The following ST7 variants were observed in gnomAD, a reference collection of about 807,000 sequenced individuals.
ST7 encodes the protein suppression of tumorigenicity 7.
Under a neutral mutation model 78.7 loss-of-function variants are expected in ST7, and 28 were observed. That is an observed-to-expected ratio of 0.36 (90% confidence interval 0.26 to 0.49). The LOEUF is 0.49. ST7 is among the 20% of genes least tolerant of loss of function. The pLI is 0.99. For synonymous variants in ST7, 247 were observed against 249.6 expected (o/e 0.99, Z 0.10); for missense variants, 418 against 696.0 (o/e 0.60, Z 4.49).
chr7:117,130,147 C>A (rs1349668772), intron 4 of ST7, among the ~76,000 whole-genome samples: 1 of 151,718 alleles, frequency 6.6e-6, no homozygotes, highest in Non-Finnish European at 1.5e-5. Flanking sequence ...ATAGAGATGT[C>A]GCAGAAGTTA....
intron 9 of ST7, among the ~76,000 whole-genome samples, chr7:117,151,363 G>A (rs150053337): frequency 1.3e-5 from 2 of 152,218 alleles, no homozygotes; most frequent in African/African-American, 4.8e-5. Context: ...CTTTTTGAGT[G>A]TGCCAAGCTT....
intron 12 of ST7, among the ~76,000 whole-genome samples, chr7:117,198,849 G>C (rs1810549217): frequency 6.6e-6 from 1 of 152,044 alleles, no homozygotes; most frequent in South Asian, 2.1e-4. Flanking sequence ...TATGGAGGCT[G>C]AGGCCACCCC....
At chr7:117,175,749 C>G (rs1013512994) in intron 10 of ST7, among the ~76,000 whole-genome samples, 22 of 152,152 alleles carry the variant, frequency 1.4e-4, no homozygotes, top group African/African-American at 4.3e-4. Flanking sequence ...TGTTAAGTGT[C>G]AAGAACAGTG....
intron 1 of ST7, among the ~76,000 whole-genome samples, chr7:117,071,291 T>C (rs994430248): frequency 6.6e-6 from 1 of 152,168 alleles, no homozygotes; most frequent in Admixed American, 6.5e-5. Flanking sequence ...TAAATACTAA[T>C]TTGTATTACA....
chr7:117,024,942 A>G (rs1410173960), intron 1 of ST7, among the ~76,000 whole-genome samples: 1 of 152,198 alleles, frequency 6.6e-6, no homozygotes, highest in Non-Finnish European at 1.5e-5. Context: ...TGAGTGCATT[A>G]AGTTGAAACT....
At chr7:117,200,644 A>C (rs1228631395) in intron 12 of ST7, among the ~76,000 whole-genome samples, 2 of 151,886 alleles carry the variant, frequency 1.3e-5, no homozygotes, top group Non-Finnish European at 2.9e-5. Flanking sequence ...CACTCCCAGC[A>C]CTCATTTCAG....
At chr7:117,013,553 C>T (rs968308054) in intron 1 of ST7, among the ~76,000 whole-genome samples, 5 of 152,160 alleles carry the variant, frequency 3.3e-5, no homozygotes, top group East Asian at 1.9e-4. Context: ...GATGGCTGGG[C>T]GAGGTGGCTC....
At chr7:116,976,153 T>C (rs1793695441) in intron 1 of ST7, among the ~76,000 whole-genome samples, 1 of 151,984 alleles carries the variant, frequency 6.6e-6, no homozygotes, top group Non-Finnish European at 1.5e-5. Context: ...CAATCTCAGC[T>C]ACTTGGGAGG....
intron 1 of ST7, among the ~76,000 whole-genome samples, chr7:116,984,888 C>T (rs1032780000): frequency 2.6e-5 from 4 of 152,044 alleles, no homozygotes; most frequent in Admixed American, 1.3e-4. Flanking sequence ...TTAGTCATGA[C>T]GTGATTATTA....
intron 13 of ST7, among the ~76,000 whole-genome samples, chr7:117,211,545 T>C (rs569349032): frequency 3.4e-4 from 52 of 152,308 alleles, no homozygotes; most frequent in African/African-American, 1.2e-3. Context: ...TACCAAATTT[T>C]TGTAGATTGG....
At chr7:116,954,202 G>A (rs1457197451) in intron 1 of ST7, 2 of 151,986 alleles carry the variant, frequency 1.3e-5, no homozygotes, top group Non-Finnish European at 2.9e-5. Context: ...GCTCGGCGGC[G>A]AAGCCCCCTG....
intron 1 of ST7, among the ~76,000 whole-genome samples, chr7:117,029,864 A>G (rs1293834840): frequency 6.6e-6 from 1 of 151,860 alleles, no homozygotes. Context: ...AGTTCACCCT[A>G]TATTTCTAGT....
chr7:116,959,638 T>C, intron 1 of ST7: 1 of 162,532 alleles, frequency 6.2e-6, no homozygotes. Flanking sequence ...AGATCTTATA[T>C]ATTCTATGAT....
Position 117,127,909 on chromosome 7 carries a change from C to A in ST7, c.395-1884C>A, listed in dbSNP as rs188186693. 2.5e-3 allele frequency among the ~76,000 whole-genome samples: 384 copies of A among 151,830 alleles called. 2 individuals carry two copies. The highest frequency in any genetic ancestry group is 8.8e-3 in the African/African-American group (363 of 41,448). On this transcript the variant is annotated intron_variant, in intron 3 of 15. Transcript: ENST00000323984. ...AATTGCATCTGATATATAATAGAGT[C>A]GAAATTTTAATTGAAAACAGTTTTC...
At chr7:117,134,259 G>T in intron 7 of ST7, 67 bp downstream of exon 7, 1 of 1,603,680 alleles carries the variant, frequency 6.2e-7, no homozygotes, top group Admixed American at 1.7e-5. Context: ...TATCTGGATG[G>T]TTGACACCCC....
At chr7:117,207,350 G>A (rs547546325) in intron 12 of ST7, among the ~76,000 whole-genome samples, 2 of 151,978 alleles carry the variant, frequency 1.3e-5, no homozygotes, top group African/African-American at 4.8e-5. Context: ...TACCACCTTG[G>A]CCAGGCTGGT....
rs915794221 is a variant in ST7, at chr7:117,226,196, T to C, written c.1639-3566T>C. Among the ~76,000 whole-genome samples the C allele has an allele frequency of 3.3e-5, 5 of 152,342 alleles. No individual in the cohort carries two copies. The East Asian group carries it at 9.7e-4, about 29-fold the overall frequency. ...AGTTATTCAGATAAGCAGAGGCGTT[T>C]TGAATGTTAATGAAGCCTGTTGGGA... On this transcript the variant is annotated intron_variant, in intron 15 of 15. Transcript: ENST00000323984.
At chr7:116,998,694 G>A (rs887715511) in intron 1 of ST7, among the ~76,000 whole-genome samples, 1 of 152,254 alleles carries the variant, frequency 6.6e-6, no homozygotes, top group Non-Finnish European at 1.5e-5. Context: ...AGGACATACT[G>A]TCCTCATGGA....
chr7:117,182,209 T>C (rs1432208921), intron 10 of ST7, among the ~76,000 whole-genome samples: 3 of 152,198 alleles, frequency 2.0e-5, no homozygotes, highest in African/African-American at 7.2e-5. Context: ...ATTTTCCCCA[T>C]CTATAAAACA....
Sources: gnomAD v4.1 joint callset for allele counts (sites outside exome capture counted in the v4.1 genomes callset) on GRCh38, gnomAD v4.1.1 for gene constraint, MANE v1.5 for transcripts, NCBI Gene and HGNC (gene_info 2026-07-23, HGNC 2026-07-21) for gene names.